EFCAB6: variants seen among roughly 807,000 people sequenced by gnomAD.
EFCAB6 encodes the protein EF-hand calcium-binding domain-containing protein 6.
EFCAB6 carries 156 observed loss-of-function variants against 169.8 expected under a neutral mutation model. The ratio of observed to expected loss-of-function variants is 0.92; its 90% CI spans 0.81 to 1.05. The LOEUF (loss-of-function observed/expected upper bound fraction) is 1.05. Ranked by LOEUF, EFCAB6 falls within the 50% of genes least tolerant of loss-of-function variation. The pLI is 0.00. For missense variants in EFCAB6, 1,800 were observed against 1,829.1 expected, an observed-to-expected ratio of 0.98 and a Z score of 0.29; for synonymous variants, 698 against 676.4, an observed-to-expected ratio of 1.03 and a Z score of -0.50.
intron 26 of EFCAB6, among the ~76,000 whole-genome samples, chr22:43,560,089 T>C (rs756509117): frequency 2.6e-5 from 4 of 152,178 alleles, no homozygotes; most frequent in Non-Finnish European, 4.4e-5. Context: ...TTACAGTTAC[T>C]GAAGCAAGAC....
rs139258027 is a variant in EFCAB6, at chr22:43,537,936, G to A, written c.3880-391C>T. ...GTCCTGGGCACAAGACATCCAATCC[G>A]TAAACATTCACAGAATATCTGTTAT... On this transcript the variant is annotated intron_variant, in intron 28 of 31. Coordinates refer to ENST00000262726, the MANE Select transcript of EFCAB6 (RefSeq NM_022785.4). This position sits in a 1 kb window ranked among gnomAD's most constrained non-coding sequence, Gnocchi z 4.3. Among the ~76,000 whole-genome samples the A allele has an allele frequency of 1.5e-4, 23 of 152,294 alleles. No individual in the cohort carries two copies. Among genetic ancestry groups the A allele is most frequent in the African/African-American group, 3.8e-4 (16 of 41,566 alleles).
intron 22 of EFCAB6, among the ~76,000 whole-genome samples, chr22:43,603,905 T>C (rs1452347950): frequency 6.6e-6 from 1 of 152,224 alleles, no homozygotes; most frequent in East Asian, 1.9e-4. Context: ...AGATGGGGCC[T>C]AGTGGGAGGT....
chr22:43,653,144 A>G (rs1044053063), intron 17 of EFCAB6, among the ~76,000 whole-genome samples: 1 of 152,202 alleles, frequency 6.6e-6, no homozygotes, highest in African/African-American at 2.4e-5. Context: ...GAGAATGCGC[A>G]TAACAACAGG....
intron 26 of EFCAB6, among the ~76,000 whole-genome samples, chr22:43,568,101 C>T (rs1334016927): frequency 6.6e-6 from 1 of 152,166 alleles, no homozygotes; most frequent in Non-Finnish European, 1.5e-5. Flanking sequence ...AGACGCCCAC[C>T]CAGTTTCCTC....
At chr22:43,745,511 C>T (rs188649939) in intron 6 of EFCAB6, among the ~76,000 whole-genome samples, 2 of 152,276 alleles carry the variant, frequency 1.3e-5, no homozygotes, top group African/African-American at 4.8e-5. Context: ...GGTCAGGAAC[C>T]GCATCCCACC....
rs2062460198 is a variant in EFCAB6 at position 43,795,234 on chromosome 22, CA to C, written c.-7-12910del. ...TAGAAATATCAGAACACGTTTAGGA[CA>C]ATGTCAAGAGAACAAGTACAGTGGG... On this transcript the variant is annotated intron_variant, in intron 2 of 31. Transcript: ENST00000262726. The surrounding 1 kb of genome is among the most constrained non-coding windows in gnomAD (Gnocchi z 4.2). Among the ~76,000 whole-genome samples, 1 of 152,104 alleles carries C rather than the reference CA, an allele frequency of 6.6e-6. No homozygotes were observed. The highest frequency in any genetic ancestry group is 2.4e-5 in the African/African-American group (1 of 41,414).
At position 43,580,639 on chromosome 22, in the gene EFCAB6, T is replaced by C; in HGVS notation, c.3053A>G (p.Asp1018Gly). ...LLNSWGVSRH[D>G]NAINYLDFLR... Reference sequence around the variant, plus strand: ...GAAGTCGAGGTAATTGATAGCATTATCATGCCGGCTGACTCCCCAACTTGT... The same window carrying C: ...GAAGTCGAGGTAATTGATAGCATTACCATGCCGGCTGACTCCCCAACTTGT... Residue 1018 changes from aspartate (D) to glycine (G), a missense_variant, in exon 25 of 32, where the codon GAT becomes GGT. Physicochemically the swap from Asp to Gly is moderately conservative, Grantham distance 94. Coordinates refer to ENST00000262726, the MANE Select transcript of EFCAB6 (RefSeq NM_022785.4). 1.2e-6 allele frequency: 2 copies of C among 1,614,146 alleles called. No homozygotes were observed. The highest frequency in any genetic ancestry group is 1.7e-6 in the Non-Finnish European group (2 of 1,180,028).
chr22:43,706,463 A>C (rs910490058), intron 10 of EFCAB6, among the ~76,000 whole-genome samples: 94 of 152,158 alleles, frequency 6.2e-4, no homozygotes, highest in Non-Finnish European at 1.5e-4. Context: ...GGTCTCCCCC[A>C]CCAGCAGGCA....
At position 43,580,619 on chromosome 22, in the gene EFCAB6, C is replaced by T. The variant is rs751191132; in HGVS notation, c.3073G>A (p.Asp1025Asn). Residue 1025 changes from aspartate (D) to asparagine (N), a missense_variant, in exon 25 of 32, where the codon GAC (aspartate) becomes AAC (asparagine). Coordinates refer to ENST00000262726, the MANE Select transcript of EFCAB6 (RefSeq NM_022785.4). ...SRHDNAINYLDFLRAVENSKS... is the reference protein window; with the variant it reads ...SRHDNAINYLNFLRAVENSKS... ...CTGTTCTCCACTGCTCTCAGGAAGT[C>T]GAGGTAATTGATAGCATTATCATGC... 23 of 1,613,946 alleles carry T rather than the reference C, an allele frequency of 1.4e-5. No homozygotes were observed. The highest frequency in any genetic ancestry group is 3.3e-5 in the Admixed American group (2 of 59,976).
Position 43,636,642 on chromosome 22 carries a change from ACT to A in EFCAB6, c.1984-1428_1984-1427del, listed in dbSNP as rs541084975. Among the ~76,000 whole-genome samples, 237 of 132,426 alleles carry A rather than the reference ACT, an allele frequency of 1.8e-3. 1 individual carries two copies. The highest frequency in any genetic ancestry group is 6.4e-3 in the African/African-American group (221 of 34,292). The allele number at this position is 132,426 out of a possible 152,430, so 86.9% of individuals were successfully genotyped here. ...TTTTTTTTTTTTGAGACAGAGTCTC[ACT>A]CTGTCACCCAGGCTGGAGTGCAACG... is the stretch of plus-strand genomic sequence containing the variant. On this transcript the variant is annotated intron_variant, in intron 17 of 31. Transcript: ENST00000262726.
At chr22:43,784,488 CAAAAA>C (rs113755588) in intron 2 of EFCAB6, among the ~76,000 whole-genome samples, 6,425 of 63,026 alleles carry the variant, frequency 0.1, 918 homozygotes, top group East Asian at 0.42. Context: ...CTGTCTCTAC[CAAAAA>C]AAAAAAAAAA....
At chr22:43,651,493 C>T (rs2056464598) in intron 17 of EFCAB6, among the ~76,000 whole-genome samples, 1 of 152,256 alleles carries the variant, frequency 6.6e-6, no homozygotes, top group African/African-American at 2.4e-5. Flanking sequence ...CATAGACAAC[C>T]TCTGCTAGGG....
intron 2 of EFCAB6, among the ~76,000 whole-genome samples, chr22:43,786,243 A>T (rs1447095372): frequency 6.6e-6 from 1 of 152,016 alleles, no homozygotes; most frequent in Admixed American, 6.6e-5. Context: ...CATGCTTGTT[A>T]TCCCAGCTAC....
chr22:43,638,947 G>A (rs1448114745), intron 17 of EFCAB6, among the ~76,000 whole-genome samples: 8 of 151,696 alleles, frequency 5.3e-5, no homozygotes, highest in Admixed American at 2.0e-4. Flanking sequence ...CACCATGCCC[G>A]GCTAATTTTA....
chr22:43,783,895 T>A (rs1422931086), intron 2 of EFCAB6, among the ~76,000 whole-genome samples: 1 of 151,814 alleles, frequency 6.6e-6, no homozygotes, highest in Non-Finnish European at 1.5e-5. Flanking sequence ...ACTCTGTCTC[T>A]ACAAAAAAAA....
chr22:43,585,586 C>T (rs550209956), intron 24 of EFCAB6, among the ~76,000 whole-genome samples: 1 of 152,156 alleles, frequency 6.6e-6, no homozygotes, highest in Admixed American at 6.5e-5. Flanking sequence ...AACAAAAACC[C>T]ATTTTAATTA....
chr22:43,616,145 G>C (rs1602628890), intron 20 of EFCAB6, among the ~76,000 whole-genome samples: 1 of 152,170 alleles, frequency 6.6e-6, no homozygotes, highest in African/African-American at 2.4e-5. Flanking sequence ...TCAGATAAAT[G>C]CTATTCAACT....
chr22:43,620,725 A>C (rs189990495), intron 20 of EFCAB6, among the ~76,000 whole-genome samples: 1 of 152,324 alleles, frequency 6.6e-6, no homozygotes, highest in Admixed American at 6.5e-5. Flanking sequence ...TTTCAAATAC[A>C]TGAAGCATAA....
intron 13 of EFCAB6, among the ~76,000 whole-genome samples, chr22:43,676,286 A>G (rs1325735570): frequency 2.0e-5 from 3 of 151,720 alleles, no homozygotes; most frequent in Non-Finnish European, 4.4e-5. Flanking sequence ...GTGTGGTGGT[A>G]GGCGCCTATA....
Sources: gnomAD v4.1 joint callset for allele counts (sites outside exome capture counted in the v4.1 genomes callset) on GRCh38, gnomAD v4.1.1 for gene constraint, Gnocchi (gnomAD v3.1) non-coding constraint, MANE v1.5 for transcripts, NCBI Gene and HGNC (gene_info 2026-07-23, HGNC 2026-07-21) for gene names.